Variants in PHLPP1 observed in about 807,000 individuals in gnomAD.
PHLPP1 encodes PH domain and leucine rich repeat protein phosphatase 1.
PHLPP1 carries 42 observed loss-of-function variants against 117.2 expected under a neutral mutation model. The ratio of observed to expected loss-of-function variants is 0.36; its 90% CI spans 0.28 to 0.46. The LOEUF is 0.46. Among genes scored for constraint, PHLPP1 ranks in the 20% least tolerant of loss-of-function variants. PHLPP1 has a pLI of 1.00. For synonymous variants in PHLPP1, 1,042 were observed against 970.7 expected (o/e 1.07, Z -1.37); for missense variants, 2,084 against 2,241.9 (o/e 0.93, Z 1.42).
In PHLPP1 at chr18:62,849,826, A is replaced by AT. The variant is rs1371664083; in HGVS notation, c.1900-10609_1900-10608insT. ...AAAAAAAAAAAAAAAAAAAAAAAAA[A>AT]AAAAAAATATATATATCCTTTAAAG... On this transcript the variant is annotated intron_variant, in intron 3 of 16. Transcript: ENST00000262719. Among the ~76,000 whole-genome samples the AT allele has an allele frequency of 7.7e-4, 26 of 33,816 alleles. 1 individual carries two copies. The highest frequency in any genetic ancestry group is 1.1e-3 in the Non-Finnish European group (17 of 15,320). The allele number at this position is 33,816 out of a possible 152,430, so 22.2% of individuals were successfully genotyped here.
chr18:62,766,076 A>ATATATATATATATATATATATATATAT (rs1555670395), intron 1 of PHLPP1, among the ~76,000 whole-genome samples: 7 of 21,646 alleles, frequency 3.2e-4, no homozygotes, highest in East Asian at 3.3e-3. Context: ...AAAAAAAAAA[A>ATATATATATATATATATATATATATAT]ATATATATAT....
chr18:62,866,537 G>A (rs576163518), intron 4 of PHLPP1, among the ~76,000 whole-genome samples: 1 of 152,220 alleles, frequency 6.6e-6, no homozygotes, highest in Admixed American at 6.5e-5. Context: ...GAGCCACCAC[G>A]CCTGGCCCAA....
chr18:62,864,652 C>G (rs1915726375), intron 4 of PHLPP1, among the ~76,000 whole-genome samples: 2 of 152,178 alleles, frequency 1.3e-5, no homozygotes. Flanking sequence ...AAAATTATCC[C>G]AAGTAAACTA....
chr18:62,869,365 A>G (rs577502591), intron 4 of PHLPP1, among the ~76,000 whole-genome samples: 4 of 152,314 alleles, frequency 2.6e-5, no homozygotes, highest in East Asian at 3.9e-4. Flanking sequence ...TAGAAGTATA[A>G]AAAAACATAG....
At chr18:62,848,672 G>A (rs1023640185) in intron 3 of PHLPP1, among the ~76,000 whole-genome samples, 6 of 152,018 alleles carry the variant, frequency 3.9e-5, no homozygotes, top group Non-Finnish European at 7.4e-5. Flanking sequence ...CCATGTTGCC[G>A]AGGCTGGCCT....
At chr18:62,897,899 A>G (rs776041580) in intron 6 of PHLPP1, among the ~76,000 whole-genome samples, 3 of 151,344 alleles carry the variant, frequency 2.0e-5, no homozygotes, top group Admixed American at 6.6e-5. Flanking sequence ...CTTTTATTCA[A>G]TTTTTTTTCC....
At chr18:62,869,084 G>C (rs1232875140) in intron 4 of PHLPP1, among the ~76,000 whole-genome samples, 1 of 152,122 alleles carries the variant, frequency 6.6e-6, no homozygotes, top group African/African-American at 2.4e-5. Context: ...TTCTCTTATT[G>C]CTCTATAGTT....
intron 9 of PHLPP1, among the ~76,000 whole-genome samples, chr18:62,916,270 A>G (rs1909273539): frequency 2.0e-5 from 3 of 151,948 alleles, no homozygotes; most frequent in Admixed American, 1.3e-4. Context: ...TACATTAATT[A>G]CATGTTAATA....
rs775479750 is a variant in PHLPP1 at position 62,941,791 on chromosome 18, A to G, written c.3034A>G (p.Ser1012Gly). Reference sequence around the variant, plus strand: ...AGCCACGCTTTCCGAAGAGACAAACAGTATCTTACAAGAGTTGTATTTGAC... The same window carrying G: ...AGCCACGCTTTCCGAAGAGACAAACGGTATCTTACAAGAGTTGTATTTGAC... ...PPATLSEETN[S>G]ILQELYLTNN... Residue 1012 changes from serine (S) to glycine (G), a missense_variant, in exon 11 of 17, where the codon AGT becomes GGT. Transcript: ENST00000262719. 1.2e-6 allele frequency: 2 copies of G among 1,613,786 alleles called. No individual in the cohort carries two copies. The highest frequency in any genetic ancestry group is 1.7e-6 in the Non-Finnish European group (2 of 1,179,644).
intron 1 of PHLPP1, among the ~76,000 whole-genome samples, chr18:62,756,957 A>G (rs551154974): frequency 4.6e-5 from 7 of 152,312 alleles, no homozygotes; most frequent in East Asian, 1.9e-4. Context: ...ACTGCGGTGC[A>G]TGTACATACG....
chr18:62,868,813 G>C (rs961835826), intron 4 of PHLPP1, among the ~76,000 whole-genome samples: 14 of 152,266 alleles, frequency 9.2e-5, no homozygotes, highest in African/African-American at 3.4e-4. Context: ...CATGTGGTAT[G>C]AAAGGAGATA....
chr18:62,886,939 C>T (rs1374732246), intron 4 of PHLPP1, among the ~76,000 whole-genome samples: 2 of 152,098 alleles, frequency 1.3e-5, no homozygotes, highest in Non-Finnish European at 2.9e-5. Context: ...TACTGCTTGT[C>T]CTGGAAAATG....
At chr18:62,874,250 G>A (rs1449449025) in intron 4 of PHLPP1, among the ~76,000 whole-genome samples, 1 of 151,516 alleles carries the variant, frequency 6.6e-6, no homozygotes, top group Non-Finnish European at 1.5e-5. Context: ...ACTCACGCCT[G>A]TAATCCCAGC....
chr18:62,964,703 T>C (rs1910856837), intron 14 of PHLPP1, among the ~76,000 whole-genome samples: 1 of 152,364 alleles, frequency 6.6e-6, no homozygotes, highest in African/African-American at 2.4e-5. Flanking sequence ...ATATATTCTT[T>C]AGAGCACTCA....
Position 62,726,199 on chromosome 18 carries a change from T to C in PHLPP1, c.1576+8940T>C, listed in dbSNP as rs573488647. ...GAGAGGTAGTAGTTGTATTTATGGA[T>C]GGGAGGGGGTGAGTAGGGTAACTGA... On this transcript the variant is annotated intron_variant, in intron 1 of 16. Transcript: ENST00000262719. Among the ~76,000 whole-genome samples the C allele has an allele frequency of 7.2e-5, 11 of 152,082 alleles. No individual in the cohort carries two copies. The East Asian group carries it at 1.9e-3, about 27-fold the overall frequency.
chr18:62,854,922 C>CCTGA (rs1915454875), intron 3 of PHLPP1, among the ~76,000 whole-genome samples: 2 of 152,078 alleles, frequency 1.3e-5, no homozygotes, highest in Admixed American at 6.6e-5. Flanking sequence ...GTCTCAAACT[C>CCTGA]CTGACCTCAA....
intron 4 of PHLPP1, among the ~76,000 whole-genome samples, chr18:62,871,077 T>C (rs926532788): frequency 1.3e-5 from 2 of 152,212 alleles, no homozygotes; most frequent in Non-Finnish European, 2.9e-5. Flanking sequence ...ATAGTCTTAA[T>C]ACTAAGATTA....
intron 3 of PHLPP1, among the ~76,000 whole-genome samples, chr18:62,856,510 C>T (rs567023597): frequency 1.1e-4 from 17 of 152,296 alleles, no homozygotes; most frequent in Non-Finnish European, 2.1e-4. Context: ...TCACTGCAAC[C>T]TCGACCTTCT....
At position 62,958,355 on chromosome 18, in the gene PHLPP1, T is replaced by C. The variant is rs1599141974; in HGVS notation, c.3325-274T>C. Among the ~76,000 whole-genome samples the C allele has an allele frequency of 2.6e-5, 4 of 152,384 alleles. No individual in the cohort carries two copies. In the South Asian group the frequency reaches 8.3e-4, roughly 32 times the overall value. On this transcript the variant is annotated intron_variant, in intron 12 of 16. Coordinates refer to ENST00000262719, the MANE Select transcript of PHLPP1 (RefSeq NM_194449.4). Reference sequence around the variant, plus strand: ...GGATTTTTTAGTTAATGCTTAATTTTAAACGTGGAGATAAAATTAAGTGAA... The same window carrying C: ...GGATTTTTTAGTTAATGCTTAATTTCAAACGTGGAGATAAAATTAAGTGAA...
Sources: gnomAD v4.1 joint callset for allele counts (sites outside exome capture counted in the v4.1 genomes callset) on GRCh38, gnomAD v4.1.1 for gene constraint, MANE v1.5 for transcripts, NCBI Gene and HGNC (gene_info 2026-07-23, HGNC 2026-07-21) for gene names.